PHKB: variants seen among roughly 807,000 people sequenced by gnomAD.
PHKB encodes phosphorylase b kinase regulatory subunit beta.
Under a neutral mutation model 152.1 loss-of-function variants are expected in PHKB, and 122 were observed. The ratio of observed to expected loss-of-function variants is 0.80; its 90% CI spans 0.69 to 0.93. PHKB has a LOEUF of 0.93. Ranked by LOEUF, PHKB falls within the 40% of genes least tolerant of loss-of-function variation. The probability of loss-of-function intolerance (pLI) is 0.00; values close to 1 mark genes in which losing one functional copy is unlikely to be tolerated. For synonymous variants in PHKB, 436 were observed against 464.9 expected (o/e 0.94, Z 0.80); for missense variants, 1,304 against 1,328.4 (o/e 0.98, Z 0.29).
chr16:47,598,458 C>T (rs1182982827), intron 13 of PHKB, among the ~76,000 whole-genome samples: 1 of 152,128 alleles, frequency 6.6e-6, no homozygotes, highest in African/African-American at 2.4e-5. Context: ...TTGAAATAAC[C>T]TGTGTGAATA....
At chr16:47,500,340 G>A (rs1282655167) in intron 3 of PHKB, among the ~76,000 whole-genome samples, 2 of 151,928 alleles carry the variant, frequency 1.3e-5, no homozygotes, top group African/African-American at 2.4e-5. Flanking sequence ...AGCCTAAACC[G>A]TTTCATTTTT....
intron 13 of PHKB, among the ~76,000 whole-genome samples, chr16:47,607,573 C>G (rs1306877677): frequency 6.6e-6 from 1 of 152,050 alleles, no homozygotes; most frequent in Non-Finnish European, 1.5e-5. Flanking sequence ...TTTTATTTAC[C>G]CATTCATCAG....
At chr16:47,609,459 G>C (rs539801161) in intron 13 of PHKB, among the ~76,000 whole-genome samples, 1 of 150,498 alleles carries the variant, frequency 6.6e-6, no homozygotes, top group Non-Finnish European at 1.5e-5. Flanking sequence ...GGCACAGTTT[G>C]TGAAAGGTTG....
At chr16:47,486,716 C>T (rs945421861) in intron 1 of PHKB, among the ~76,000 whole-genome samples, 15 of 152,154 alleles carry the variant, frequency 9.9e-5, no homozygotes, top group Admixed American at 6.5e-5. Flanking sequence ...CTATGGGACT[C>T]TTTGACCTCT....
At chr16:47,662,923 A>G (rs1227376742) in intron 23 of PHKB, among the ~76,000 whole-genome samples, 1 of 152,152 alleles carries the variant, frequency 6.6e-6, no homozygotes, top group Non-Finnish European at 1.5e-5. Context: ...AAAATAGTTT[A>G]TAATGAAAAT....
At chr16:47,607,419 T>C (rs1972345654) in intron 13 of PHKB, among the ~76,000 whole-genome samples, 2 of 152,204 alleles carry the variant, frequency 1.3e-5, no homozygotes, top group Non-Finnish European at 2.9e-5. Flanking sequence ...ACCTTTCATG[T>C]AACTCGAAAC....
chr16:47,543,686 T>C (rs765274572), intron 6 of PHKB, among the ~76,000 whole-genome samples: 1 of 152,210 alleles, frequency 6.6e-6, no homozygotes, highest in Non-Finnish European at 1.5e-5. Context: ...GAGCCTATTA[T>C]TGATCTATTC....
At chr16:47,612,925 A>G (rs933115835) in intron 14 of PHKB, among the ~76,000 whole-genome samples, 2 of 152,202 alleles carry the variant, frequency 1.3e-5, no homozygotes, top group Non-Finnish European at 2.9e-5. Context: ...CCAGATGTGC[A>G]GCCCTCTGTT....
intron 1 of PHKB, among the ~76,000 whole-genome samples, chr16:47,496,048 A>G (rs989767748): frequency 2.6e-5 from 4 of 152,076 alleles, no homozygotes; most frequent in African/African-American, 7.2e-5. Context: ...TTGGCTTTAA[A>G]CTAGGATGTT....
intron 5 of PHKB, 73 bp downstream of exon 5, chr16:47,511,845 AC>A: frequency 2.0e-6 from 2 of 999,808 alleles, no homozygotes; most frequent in Non-Finnish European, 1.6e-6. Context: ...CCTTTTTGGC[AC>A]CAGGGACTAG....
rs77636655 is a variant in PHKB, at chr16:47,651,665, T to C, written c.1971+744T>C. On this transcript the variant is annotated intron_variant, in intron 20 of 30. Coordinates refer to ENST00000323584, the MANE Select transcript of PHKB (RefSeq NM_000293.3). ...GCTTATATACTTTATTTCTGTAAAATAATAATGATTATTCCATGGGGTCTT... is the reference window on the plus strand; with the variant it reads ...GCTTATATACTTTATTTCTGTAAAACAATAATGATTATTCCATGGGGTCTT... 2.4e-4 allele frequency among the ~76,000 whole-genome samples: 36 copies of C among 152,308 alleles called. No homozygotes were observed. The East Asian group carries it at 6.6e-3, about 28-fold the overall frequency.
At chr16:47,621,785 G>A (rs565462583) in intron 14 of PHKB, among the ~76,000 whole-genome samples, 1 of 152,266 alleles carries the variant, frequency 6.6e-6, no homozygotes, top group African/African-American at 2.4e-5. Context: ...GCCGCACAGA[G>A]TTTCTCCTCA....
chr16:47,582,556 C>T (rs1971865615), intron 8 of PHKB, among the ~76,000 whole-genome samples: 1 of 152,152 alleles, frequency 6.6e-6, no homozygotes, highest in Admixed American at 6.5e-5. Flanking sequence ...TATATGAGCT[C>T]TACTTCCAGG....
At chr16:47,664,646 C>T (rs1247902222) in intron 24 of PHKB, 1 of 527,726 alleles carries the variant, frequency 1.9e-6, no homozygotes, top group African/African-American at 1.9e-5. Flanking sequence ...TACAGTAAGA[C>T]ATCAAGCCAA....
intron 1 of PHKB, among the ~76,000 whole-genome samples, chr16:47,481,170 C>T (rs1229499167): frequency 6.6e-6 from 1 of 151,900 alleles, no homozygotes; most frequent in African/African-American, 2.4e-5. Context: ...TTAGGCATGA[C>T]GGTTGTTAGT....
chr16:47,550,446 C>G (rs1971251734), intron 7 of PHKB, among the ~76,000 whole-genome samples: 1 of 152,208 alleles, frequency 6.6e-6, no homozygotes, highest in Non-Finnish European at 1.5e-5. Context: ...CATAGTAATA[C>G]TTGCCATAAG....
chr16:47,594,538 C>T (rs975803832), intron 12 of PHKB, among the ~76,000 whole-genome samples: 3 of 152,044 alleles, frequency 2.0e-5, no homozygotes, highest in Non-Finnish European at 4.4e-5. Flanking sequence ...GGTGAGTGCC[C>T]CTCCTGCGGA....
At chr16:47,662,650 A>C (rs182865608) in intron 23 of PHKB, among the ~76,000 whole-genome samples, 6 of 152,326 alleles carry the variant, frequency 3.9e-5, no homozygotes, top group Admixed American at 3.9e-4. Flanking sequence ...ATGTGAATTG[A>C]ATAGTTTTCA....
intron 16 of PHKB, among the ~76,000 whole-genome samples, chr16:47,645,597 T>C (rs1321268445): frequency 6.7e-6 from 1 of 149,184 alleles, no homozygotes; most frequent in Non-Finnish European, 1.5e-5. Context: ...ACCAGTACCG[T>C]GCTGTTTTGG....
Sources: gnomAD v4.1 joint callset for allele counts (sites outside exome capture counted in the v4.1 genomes callset) on GRCh38, gnomAD v4.1.1 for gene constraint, MANE v1.5 for transcripts, NCBI Gene and HGNC (gene_info 2026-07-23, HGNC 2026-07-21) for gene names.